Variants in TMEFF2 observed in about 807,000 individuals in gnomAD.
TMEFF2 encodes transmembrane protein with EGF like and two follistatin like domains 2, also known as tomoregulin-2.
Under a neutral mutation model 53.8 loss-of-function variants are expected in TMEFF2, and 28 were observed. The observed-to-expected ratio is 0.52, with a 90% confidence interval of 0.39 to 0.71. The LOEUF (loss-of-function observed/expected upper bound fraction) is 0.71, where lower values mean the gene tolerates loss of function less well. Ranked by LOEUF, TMEFF2 falls within the 30% of genes least tolerant of loss-of-function variation. The pLI, the probability that TMEFF2 is intolerant of heterozygous loss-of-function variation, is 0.00. For missense variants in TMEFF2, 353 were observed against 455.2 expected, an observed-to-expected ratio of 0.78 and a Z score of 2.04; for synonymous variants, 162 against 166.3, an observed-to-expected ratio of 0.97 and a Z score of 0.20.
At chr2:191,956,583 T>G (rs1037303193) in intron 7 of TMEFF2, among the ~76,000 whole-genome samples, 2 of 152,246 alleles carry the variant, frequency 1.3e-5, no homozygotes, top group African/African-American at 4.8e-5. Flanking sequence ...AATTACCCAG[T>G]GCTTTTTATG....
chr2:192,155,208 T>C (rs1216903116), intron 4 of TMEFF2, among the ~76,000 whole-genome samples: 1 of 151,930 alleles, frequency 6.6e-6, no homozygotes, highest in East Asian at 1.9e-4. Context: ...ACCTTATATA[T>C]CAGCATGATT....
At chr2:192,003,308 A>G (rs1686412802) in intron 5 of TMEFF2, among the ~76,000 whole-genome samples, 2 of 152,338 alleles carry the variant, frequency 1.3e-5, no homozygotes, top group Non-Finnish European at 2.9e-5. Context: ...AAATTTAGGC[A>G]GTCTGATGTC....
In TMEFF2 at chr2:192,167,482, T is replaced by A. The variant is rs572912971; in HGVS notation, c.439+12186A>T. On this transcript the variant is annotated intron_variant, in intron 4 of 9. Transcript: ENST00000272771. ...AGCTATTTAAAATTCCATCTTTTTT[T>A]CCCTTACTTAAACATTAAAACTTTT... Among the ~76,000 whole-genome samples the A allele has an allele frequency of 9.2e-5, 14 of 152,284 alleles. No homozygotes were observed. In the South Asian group the frequency reaches 1.9e-3, roughly 20 times the overall value.
chr2:192,057,617 G>T, intron 5 of TMEFF2, 62 bp downstream of exon 5: 1 of 1,323,786 alleles, frequency 7.6e-7, no homozygotes, highest in Non-Finnish European at 1.1e-6. Context: ...ATGGTTGATG[G>T]TGTTAAAAAG....
At chr2:192,173,449 T>C (rs1690964100) in intron 4 of TMEFF2, among the ~76,000 whole-genome samples, 1 of 151,734 alleles carries the variant, frequency 6.6e-6, no homozygotes, top group South Asian at 2.1e-4. Flanking sequence ...TGAAAGAATC[T>C]CTTTCTAAAA....
intron 4 of TMEFF2, among the ~76,000 whole-genome samples, chr2:192,131,941 C>T (rs941084028): frequency 6.6e-6 from 1 of 152,136 alleles, no homozygotes; most frequent in Non-Finnish European, 1.5e-5. Context: ...TGCCTGACGT[C>T]CAGGCATTCT....
intron 4 of TMEFF2, among the ~76,000 whole-genome samples, chr2:192,087,862 G>A (rs2356762): frequency 0.95 from 144,261 of 152,218 alleles, 68,488 homozygotes; most frequent in East Asian, 1. Flanking sequence ...TTGGCTATAC[G>A]ACATTTGAAT....
At chr2:191,984,890 A>C (rs1250965989) in intron 7 of TMEFF2, among the ~76,000 whole-genome samples, 2 of 152,140 alleles carry the variant, frequency 1.3e-5, no homozygotes, top group Non-Finnish European at 2.9e-5. Context: ...CATATATCAA[A>C]AAAGAGTCCA....
rs1686797185 is a variant in TMEFF2, at chr2:192,018,807, A to G, written c.537-19599T>C. On this transcript the variant is annotated intron_variant, in intron 5 of 9. Coordinates refer to ENST00000272771, the MANE Select transcript of TMEFF2 (RefSeq NM_016192.4). ...TATAGTTTTTCCATGAAATTAGGCA[A>G]TTTTTTGTCCACTTGTATTTTTTTC... 2.9e-5 allele frequency among the ~76,000 whole-genome samples: 4 copies of G among 136,208 alleles called. No homozygotes were observed. The South Asian group carries it at 8.9e-4, about 30-fold the overall frequency. 89.4% of individuals were successfully genotyped at this position (136,208 alleles called of 152,430 possible).
intron 4 of TMEFF2, among the ~76,000 whole-genome samples, chr2:192,138,328 G>T (rs969711113): frequency 6.6e-6 from 1 of 152,200 alleles, no homozygotes; most frequent in Non-Finnish European, 1.5e-5. Context: ...CTGAGCCAAC[G>T]TAAGTGGCTA....
chr2:192,087,431 T>A (rs914109641), intron 4 of TMEFF2, among the ~76,000 whole-genome samples: 1 of 152,090 alleles, frequency 6.6e-6, no homozygotes, highest in Non-Finnish European at 1.5e-5. Flanking sequence ...TCTTATAGCA[T>A]CCTGGGTCCC....
intron 4 of TMEFF2, among the ~76,000 whole-genome samples, chr2:192,148,557 T>C (rs565277408): frequency 7.9e-5 from 12 of 152,130 alleles, no homozygotes; most frequent in African/African-American, 2.9e-4. Context: ...CTGTGTGATA[T>C]GTCATTGACT....
intron 4 of TMEFF2, among the ~76,000 whole-genome samples, chr2:192,129,914 G>A (rs1321291876): frequency 1.3e-5 from 2 of 152,134 alleles, no homozygotes; most frequent in Admixed American, 6.5e-5. Context: ...TAACAAAGAC[G>A]AATATTGAAA....
At chr2:192,142,312 T>C (rs549918775) in intron 4 of TMEFF2, among the ~76,000 whole-genome samples, 1 of 152,254 alleles carries the variant, frequency 6.6e-6, no homozygotes, top group South Asian at 2.1e-4. Flanking sequence ...GTGGGCCAAA[T>C]GTAGTGCCTT....
At chr2:192,152,024 G>A (rs1477623002) in intron 4 of TMEFF2, among the ~76,000 whole-genome samples, 1 of 151,792 alleles carries the variant, frequency 6.6e-6, no homozygotes, top group African/African-American at 2.4e-5. Context: ...GAGGAAGAGG[G>A]CTTGAGGTCC....
chr2:192,064,364 C>T (rs1168978381), intron 4 of TMEFF2, among the ~76,000 whole-genome samples: 3 of 151,778 alleles, frequency 2.0e-5, no homozygotes, highest in Non-Finnish European at 4.4e-5. Context: ...TGATAAAACT[C>T]ATGTCCTTTT....
In TMEFF2 at chr2:191,949,066, C is replaced by T. The variant is rs571205434; in HGVS notation, c.*1245G>A. The stretch of plus-strand genomic sequence containing the variant: ...GGTTATTTGAAGGAGACAAAGAGAG[C>T]TTTATTTAAATTTACTGTGTTAGCC... On this transcript the variant is annotated 3_prime_UTR_variant, in exon 10 of 10. Transcript: ENST00000272771. The T allele has an allele frequency of 4.1e-6, 4 of 984,450 alleles. No homozygotes were observed. The East Asian group carries it at 4.5e-4, about 112-fold the overall frequency. 61.0% of individuals were successfully genotyped at this position (984,450 alleles called of 1,614,324 possible).
At chr2:192,155,598 C>T (rs541144380) in intron 4 of TMEFF2, among the ~76,000 whole-genome samples, 14 of 152,050 alleles carry the variant, frequency 9.2e-5, no homozygotes, top group African/African-American at 3.4e-4. Flanking sequence ...AGAGGGGAGG[C>T]TTAGCTGTAT....
chr2:191,979,522 G>C (rs1322164080), intron 7 of TMEFF2, among the ~76,000 whole-genome samples: 1 of 91,392 alleles, frequency 1.1e-5, no homozygotes, highest in African/African-American at 4.2e-5. Context: ...CTTTGATAGA[G>C]AAATTGGCTA....
Sources: gnomAD v4.1 joint callset for allele counts (sites outside exome capture counted in the v4.1 genomes callset) on GRCh38, gnomAD v4.1.1 for gene constraint, MANE v1.5 for transcripts, NCBI Gene and HGNC (gene_info 2026-07-23, HGNC 2026-07-21) for gene names.